The following LIPN variants were observed in gnomAD, a reference collection of about 807,000 sequenced individuals.
The protein encoded by LIPN is lipase member N.
In LIPN, 32 loss-of-function variants were observed where a neutral mutation model predicts 43.7. The observed-to-expected ratio is 0.73, with a 90% confidence interval of 0.55 to 0.98. LIPN has a LOEUF of 0.98. Among genes scored for constraint, LIPN ranks in the 50% least tolerant of loss-of-function variants. The probability of loss-of-function intolerance (pLI) is 0.00; values close to 1 mark genes in which losing one functional copy is unlikely to be tolerated. For synonymous variants in LIPN, 156 were observed against 157.6 expected (o/e 0.99, Z 0.08); for missense variants, 505 against 483.8 (o/e 1.04, Z -0.41).
At chr10:88,769,483 T>C (rs2134847543) in intron 6 of LIPN, 2 of 538,154 alleles carry the variant, frequency 3.7e-6, no homozygotes, top group Non-Finnish European at 4.7e-6. Context: ...TGGTTGCCAA[T>C]TGTGGATTTG....
At chr10:88,762,351 GCTTCT>G in intron 3 of LIPN, 46 bp downstream of exon 3, 12 of 1,177,886 alleles carry the variant, frequency 1.0e-5, no homozygotes, top group Non-Finnish European at 1.5e-5. Flanking sequence ...TTGACCTCCT[GCTTCT>G]CAGGAGGAAT....
In LIPN at chr10:88,764,390, C is replaced by T; in HGVS notation, c.227-20C>T. On this transcript the variant is annotated intron_variant, in intron 3 of 9. Coordinates refer to ENST00000404459, the MANE Select transcript of LIPN (RefSeq NM_001102469.2). ...CTCTTTCTCTTTCTCCCTCTCTCAT[C>T]TTACCCTTTCCCCCACCAGGTCCCC... is the stretch of plus-strand genomic sequence containing the variant. 1.3e-6 allele frequency: 2 copies of T among 1,595,070 alleles called. No homozygotes were observed. Among genetic ancestry groups the T allele is most frequent in the South Asian group, 1.1e-5 (1 of 89,388 alleles).
At chr10:88,774,403 A>C in intron 7 of LIPN, 70 bp from the exon 8 acceptor site, 2 of 935,102 alleles carry the variant, frequency 2.1e-6, no homozygotes, top group East Asian at 4.9e-5. Context: ...TCTGTGCATC[A>C]TTTTTCTCTG....
At chr10:88,777,682 C>T (rs1039601404) in intron 9 of LIPN, among the ~76,000 whole-genome samples, 17 of 151,818 alleles carry the variant, frequency 1.1e-4, no homozygotes, top group Admixed American at 1.3e-4. Flanking sequence ...ACCCTCATCT[C>T]TGCTGTCAAA....
chr10:88,776,674 G>A (rs745599080), intron 9 of LIPN, among the ~76,000 whole-genome samples: 38 of 152,076 alleles, frequency 2.5e-4, no homozygotes, highest in Non-Finnish European at 4.7e-4. Context: ...AGCTCCATGA[G>A]GGTAGGGATT....
At chr10:88,766,718 A>T (rs1356683835) in intron 5 of LIPN, among the ~76,000 whole-genome samples, 1 of 152,006 alleles carries the variant, frequency 6.6e-6, no homozygotes, top group African/African-American at 2.4e-5. Context: ...ATTCAATGCC[A>T]TGGAATATGG....
rs747945974 is a variant in LIPN at position 88,763,124 on chromosome 10, G to C, written c.226+819G>C. ...TCTCCCTCTTTTATCTCCAGTTTCA[G>C]AATGAAAAATGAGAGTGAGATATGA... On this transcript the variant is annotated intron_variant, in intron 3 of 9. Transcript: ENST00000404459. Among the ~76,000 whole-genome samples, 65 of 152,028 alleles carry C rather than the reference G, an allele frequency of 4.3e-4. No homozygotes were observed. In the Middle Eastern group the frequency reaches 0.01, roughly 24 times the overall value.
intron 1 of LIPN, among the ~76,000 whole-genome samples, chr10:88,760,610 T>G (rs574593528): frequency 6.6e-6 from 1 of 152,276 alleles, no homozygotes; most frequent in East Asian, 1.9e-4. Flanking sequence ...GAACTTACAC[T>G]GCACTAAATG....
chr10:88,760,599 A>G (rs893026527), intron 1 of LIPN, among the ~76,000 whole-genome samples: 12 of 152,150 alleles, frequency 7.9e-5, no homozygotes, highest in Non-Finnish European at 1.8e-4. Flanking sequence ...GCATTTATTA[A>G]GAACTTACAC....
intron 6 of LIPN, 110 bp from the exon 7 acceptor site, chr10:88,770,735 G>T: frequency 1.6e-6 from 1 of 606,528 alleles, no homozygotes; most frequent in South Asian, 2.9e-5. Flanking sequence ...TGTCCTTGTT[G>T]TTGCTATTGA....
chr10:88,763,285 A>G (rs1452950077), intron 3 of LIPN, among the ~76,000 whole-genome samples: 3 of 152,010 alleles, frequency 2.0e-5, no homozygotes, highest in African/African-American at 7.2e-5. Context: ...CTATTTATAA[A>G]ATTTTGTAGA....
At chr10:88,762,364 A>G in intron 3 of LIPN, 59 bp downstream of exon 3, 1 of 1,004,036 alleles carries the variant, frequency 1.0e-6, no homozygotes, top group Non-Finnish European at 1.5e-6. Context: ...TCTCAGGAGG[A>G]ATTTAATGCT....
chr10:88,758,983 A>G (rs1018272552), upstream of LIPN, among the ~76,000 whole-genome samples: 3 of 152,174 alleles, frequency 2.0e-5, no homozygotes, highest in Non-Finnish European at 4.4e-5. Context: ...TTTGAAGTTA[A>G]AAACCATGAG....
At position 88,778,343 on chromosome 10, in the gene LIPN, G is replaced by T. The variant is rs1041282376; in HGVS notation, c.*101G>T. 2.6e-6 allele frequency: 2 copies of T among 767,722 alleles called. No individual in the cohort carries two copies. Among genetic ancestry groups the T allele is most frequent in the Non-Finnish European group, 4.3e-6 (2 of 469,710 alleles). 47.6% of individuals were successfully genotyped at this position (767,722 alleles called of 1,614,324 possible). A position where few individuals can be genotyped will look rare whatever the true frequency, so the allele number is the denominator to read the frequency against. On this transcript the variant is annotated 3_prime_UTR_variant, in exon 10 of 10. Coordinates refer to ENST00000404459, the MANE Select transcript of LIPN (RefSeq NM_001102469.2). ...ATGAGGTTGTCCCCCAGCACCCTGGGGGAGATGCACAGTGGAGTCTGTTTT... is the reference window on the plus strand; with the variant it reads ...ATGAGGTTGTCCCCCAGCACCCTGGTGGAGATGCACAGTGGAGTCTGTTTT...
At chr10:88,767,644 C>CAA (rs61646268) in intron 5 of LIPN, among the ~76,000 whole-genome samples, 1 of 61,484 alleles carries the variant, frequency 1.6e-5, no homozygotes, top group Non-Finnish European at 3.0e-5. Context: ...ACTTGATCTG[C>CAA]AAAAAAAAAA....
At chr10:88,764,851 G>A (rs1276651172) in intron 4 of LIPN, among the ~76,000 whole-genome samples, 1 of 151,950 alleles carries the variant, frequency 6.6e-6, no homozygotes. Context: ...TGCATTAAAA[G>A]TATGTCCAAA....
At position 88,769,693 on chromosome 10, in the gene LIPN, A is replaced by G. The variant is rs114439709; in HGVS notation, c.672+765A>G. The G allele has an allele frequency of 2.3e-3, 1,205 of 518,410 alleles. 12 individuals are homozygous for G. The highest frequency in any genetic ancestry group is 0.023 in the African/African-American group (1,098 of 48,232). The allele number at this position is 518,410 out of a possible 1,614,324, so 32.1% of individuals were successfully genotyped here. A position where few individuals can be genotyped will look rare whatever the true frequency, so the allele number is the denominator to read the frequency against. ...ATCAAAATAATTCATATATAAGAAA[A>G]TGAGACGTTGGTTTGGGGTAGAGTG... On this transcript the variant is annotated intron_variant, in intron 6 of 9. Coordinates refer to ENST00000404459, the MANE Select transcript of LIPN (RefSeq NM_001102469.2).
At position 88,764,699 on chromosome 10, in the gene LIPN, G is replaced by A. The variant is rs7912222; in HGVS notation, c.425+91G>A. 79,458 of 903,374 alleles carry A rather than the reference G, an allele frequency of 0.088. 4,194 individuals carry two copies. The highest frequency in any genetic ancestry group is 0.23 in the African/African-American group (13,400 of 59,196). The allele number at this position is 903,374 out of a possible 1,614,324, so 56.0% of individuals were successfully genotyped here. On this transcript the variant is annotated intron_variant, in intron 4 of 9. Coordinates refer to ENST00000404459, the MANE Select transcript of LIPN (RefSeq NM_001102469.2). ...CTATTAATGATTATCTTTGACGCTT[G>A]AAGTCATATAGCTCCTTGTAGTTTC...
At chr10:88,774,996 A>G (rs948905851) in intron 8 of LIPN, 96 bp from the exon 9 acceptor site, 3 of 743,246 alleles carry the variant, frequency 4.0e-6, no homozygotes, top group African/African-American at 3.7e-5. Context: ...TAGGAGCCCT[A>G]TTTTCGTCCT....
Sources: allele counts gnomAD v4.1 joint callset (sites outside exome capture counted in the v4.1 genomes callset), GRCh38; gene constraint gnomAD v4.1.1; transcripts MANE v1.5; gene names NCBI Gene and HGNC (gene_info 2026-07-23, HGNC 2026-07-21).